The following NLK variants were observed in gnomAD, a reference collection of about 807,000 sequenced individuals.
NLK encodes the protein serine/threonine-protein kinase NLK.
NLK carries 11 observed loss-of-function variants against 59.0 expected under a neutral mutation model. That is an observed-to-expected ratio of 0.19 (90% CI 0.12 to 0.31). The LOEUF is 0.31. Among genes scored for constraint, NLK ranks in the 10% least tolerant of loss-of-function variants. The pLI is 1.00. For missense variants in NLK, 410 were observed against 661.1 expected (o/e 0.62, Z 4.16); for synonymous variants, 235 against 235.9 (o/e 1.00, Z 0.03).
At chr17:28,057,207 G>A (rs34236582) in intron 1 of NLK, among the ~76,000 whole-genome samples, 90 of 151,936 alleles carry the variant, frequency 5.9e-4, no homozygotes, top group African/African-American at 2.1e-3. Flanking sequence ...CACCCGCCTC[G>A]GCCTCCCAAA....
At chr17:28,202,177 A>C in the NLK span, among the ~76,000 whole-genome samples, 1 of 152,240 alleles carries the variant, frequency 6.6e-6, no homozygotes, top group Non-Finnish European at 1.5e-5. Context: ...AAGAGGTATT[A>C]CTTGAAGCCA....
Position 28,043,108 on chromosome 17 carries a change from G to C in NLK, c.235G>C (p.Ala79Pro). Residue 79 changes from alanine to proline, a missense_variant, in exon 1 of 11, where the codon GCT becomes CCT. Ala to Pro is a conservative substitution (Grantham distance 27). This residue lies in a region of NLK where 160 missense variants were observed against 171.0 expected (regional missense o/e 0.94). Transcript: ENST00000407008. ...GGCAGCTGCGGCAGCCGCAGCAGCG[G>C]CTGCAGCTGCAGCCATGTTAAACCC... is the stretch of plus-strand genomic sequence containing the variant. ...SSAAAAAAAAAAAAAMLNPGQ... is the reference protein window; with the variant it reads ...SSAAAAAAAAPAAAAMLNPGQ... The C allele has an allele frequency of 6.3e-7, 1 of 1,590,212 alleles. No individual in the cohort carries two copies. The highest frequency in any genetic ancestry group is 8.6e-7 in the Non-Finnish European group (1 of 1,168,540).
At chr17:28,086,615 AT>A (rs1567710160) in intron 1 of NLK, among the ~76,000 whole-genome samples, 1 of 151,940 alleles carries the variant, frequency 6.6e-6, no homozygotes, top group Admixed American at 6.6e-5. Context: ...CCTTAACTTT[AT>A]TTTTTAAAAT....
At chr17:28,203,135 A>G in the NLK span, among the ~76,000 whole-genome samples, 1 of 150,864 alleles carries the variant, frequency 6.6e-6, no homozygotes, top group Non-Finnish European at 1.5e-5. Context: ...GCAAACACGT[A>G]TGTGTGTGTA....
At chr17:28,047,424 C>A (rs893956658) in intron 1 of NLK, among the ~76,000 whole-genome samples, 3 of 152,168 alleles carry the variant, frequency 2.0e-5, no homozygotes, top group African/African-American at 4.8e-5. Flanking sequence ...CTGTGCTGTC[C>A]TGTCAACTAA....
At chr17:28,052,610 A>G (rs559817766) in intron 1 of NLK, among the ~76,000 whole-genome samples, 1 of 152,340 alleles carries the variant, frequency 6.6e-6, no homozygotes, top group African/African-American at 2.4e-5. Flanking sequence ...AAAGTATGCA[A>G]TCTTAAATTT....
intron 1 of NLK, among the ~76,000 whole-genome samples, chr17:28,066,137 A>T (rs1248691226): frequency 6.6e-6 from 1 of 152,120 alleles, no homozygotes; most frequent in Non-Finnish European, 1.5e-5. Flanking sequence ...TCAGGTGTTC[A>T]ACCTCTGCCC....
At chr17:28,140,463 A>T (rs1906939897) in intron 3 of NLK, among the ~76,000 whole-genome samples, 1 of 152,190 alleles carries the variant, frequency 6.6e-6, no homozygotes, top group Admixed American at 6.5e-5. Context: ...AAAACACCAT[A>T]ACAAGGACCT....
chr17:28,132,599 CT>C lies in NLK; in HGVS notation c.589-12del, dbSNP rs760720251. On this transcript the variant is annotated intron_variant, in intron 2 of 10. Transcript: ENST00000407008. ...TTCCTTTTTTGTTCTCTAAATTTGACTTTTTTTTTCCTTTTCTCAGGTACTC... is the reference window on the plus strand; with the variant it reads ...TTCCTTTTTTGTTCTCTAAATTTGACTTTTTTTTCCTTTTCTCAGGTACTC... The C allele has an allele frequency of 1.9e-4, 292 of 1,567,868 alleles. 2 individuals are homozygous for C. Among genetic ancestry groups the C allele is most frequent in the East Asian group, 1.7e-3 (75 of 44,026 alleles).
chr17:28,129,834 A>T (rs1271719211), intron 2 of NLK, among the ~76,000 whole-genome samples: 1 of 152,146 alleles, frequency 6.6e-6, no homozygotes, highest in Non-Finnish European at 1.5e-5. Context: ...TATTTTATTG[A>T]TAAAGGGCTG....
At chr17:28,178,612 G>T (rs1370990861) in intron 7 of NLK, among the ~76,000 whole-genome samples, 1 of 152,152 alleles carries the variant, frequency 6.6e-6, no homozygotes, top group Admixed American at 6.5e-5. Context: ...TCCTCAGTTT[G>T]TTCCCACCTA....
intron 7 of NLK, among the ~76,000 whole-genome samples, chr17:28,174,271 T>C (rs931898010): frequency 4.6e-5 from 7 of 152,252 alleles, no homozygotes; most frequent in African/African-American, 1.7e-4. Flanking sequence ...AAAGTTCCAC[T>C]ATTATTTAAC....
intron 3 of NLK, among the ~76,000 whole-genome samples, chr17:28,140,144 A>G (rs984960027): frequency 6.6e-6 from 1 of 152,128 alleles, no homozygotes; most frequent in Non-Finnish European, 1.5e-5. Context: ...AGAGTTTGAT[A>G]TGCAGAAATA....
intron 3 of NLK, among the ~76,000 whole-genome samples, chr17:28,156,904 G>C (rs1380915992): frequency 6.6e-6 from 1 of 152,202 alleles, no homozygotes; most frequent in Non-Finnish European, 1.5e-5. Context: ...TAGCTCCAGA[G>C]ATTGCAAAAC....
chr17:28,077,277 A>G (rs1251550204), intron 1 of NLK, among the ~76,000 whole-genome samples: 3 of 151,790 alleles, frequency 2.0e-5, no homozygotes, highest in Admixed American at 2.0e-4. Context: ...AAGGCCTCAG[A>G]ATCATGGTGG....
At chr17:28,045,851 C>T (rs940213658) in intron 1 of NLK, among the ~76,000 whole-genome samples, 1 of 152,024 alleles carries the variant, frequency 6.6e-6, no homozygotes, top group African/African-American at 2.4e-5. Flanking sequence ...TTAGGAAGCA[C>T]CTTATGAATT....
chr17:28,202,287 T>C, the NLK span, among the ~76,000 whole-genome samples: 2 of 152,162 alleles, frequency 1.3e-5, no homozygotes, highest in Admixed American at 1.3e-4. Context: ...TTTCAGCTAC[T>C]CAGGAGGCTG....
chr17:28,048,289 C>T (rs1909130615), intron 1 of NLK: 1 of 246,838 alleles, frequency 4.1e-6, no homozygotes, highest in Admixed American at 5.5e-5. Context: ...AAAAGATTAT[C>T]CAAATTATGT....
chr17:28,191,987 A>G (rs761290074), intron 9 of NLK, 133 bp from the exon 10 acceptor site: 2 of 555,186 alleles, frequency 3.6e-6, no homozygotes, highest in Non-Finnish European at 6.5e-6. Flanking sequence ...TCTGCTTGAT[A>G]GATGATGTGT....
Sources: gnomAD v4.1 joint callset for allele counts (sites outside exome capture counted in the v4.1 genomes callset) on GRCh38, gnomAD v4.1.1 for gene constraint, gnomAD v4.1.1 regional missense constraint, MANE v1.5 for transcripts, NCBI Gene and HGNC (gene_info 2026-07-23, HGNC 2026-07-21) for gene names.